PHLPP1: variants seen among roughly 807,000 people sequenced by gnomAD.
The protein encoded by PHLPP1 is PH domain leucine-rich repeat-containing protein phosphatase 1.
A neutral mutation model predicts 117.2 loss-of-function variants in PHLPP1; 42 were observed. That is an observed-to-expected ratio of 0.36 (90% CI 0.28 to 0.46). PHLPP1 has a LOEUF of 0.46. Ranked by LOEUF, PHLPP1 falls within the 20% of genes least tolerant of loss-of-function variation. PHLPP1 has a pLI of 1.00. For synonymous variants in PHLPP1, 1,042 were observed against 970.7 expected (o/e 1.07, Z -1.37); for missense variants, 2,084 against 2,241.9 (o/e 0.93, Z 1.42).
At chr18:62,942,333 C>T (rs140411510) in intron 11 of PHLPP1, among the ~76,000 whole-genome samples, 645 of 152,184 alleles carry the variant, frequency 4.2e-3, no homozygotes, top group Non-Finnish European at 6.9e-3. Flanking sequence ...CCAGCCTGGG[C>T]AACATAGTGA....
At chr18:62,955,533 A>G (rs1910586149) in intron 12 of PHLPP1, among the ~76,000 whole-genome samples, 1 of 152,178 alleles carries the variant, frequency 6.6e-6, no homozygotes, top group Non-Finnish European at 1.5e-5. Context: ...AACCTGCTGC[A>G]GTGAATCAGA....
intron 1 of PHLPP1, among the ~76,000 whole-genome samples, chr18:62,765,218 C>A (rs1912427438): frequency 6.6e-6 from 1 of 152,168 alleles, no homozygotes; most frequent in Non-Finnish European, 1.5e-5. Context: ...CCTACCCCAT[C>A]TTATGCATGG....
chr18:62,860,389 A>G, intron 3 of PHLPP1, 46 bp from the exon 4 acceptor site: 1 of 1,504,594 alleles, frequency 6.6e-7, no homozygotes, highest in Non-Finnish European at 9.2e-7. Flanking sequence ...GAAAGTAGTT[A>G]TAGGATAAGT....
chr18:62,872,454 A>C (rs1915928084), intron 4 of PHLPP1, among the ~76,000 whole-genome samples: 1 of 152,096 alleles, frequency 6.6e-6, no homozygotes, highest in Non-Finnish European at 1.5e-5. Context: ...GCACTTTGGG[A>C]GGCCGAGGTG....
chr18:62,804,099 A>C (rs1913866298), intron 1 of PHLPP1, among the ~76,000 whole-genome samples: 1 of 152,178 alleles, frequency 6.6e-6, no homozygotes. Context: ...AGGAAACTTA[A>C]CAGTTAATGG....
chr18:62,919,882 T>G, intron 9 of PHLPP1, 77 bp from the exon 10 acceptor site: 1 of 1,005,254 alleles, frequency 9.9e-7, no homozygotes, highest in South Asian at 1.5e-5. Context: ...CCAAGTGAAT[T>G]TGTGATTTTT....
At chr18:62,868,448 C>T (rs778555584) in intron 4 of PHLPP1, among the ~76,000 whole-genome samples, 4 of 151,602 alleles carry the variant, frequency 2.6e-5, no homozygotes, top group Non-Finnish European at 4.4e-5. Context: ...ATGGTGAAAC[C>T]CGTCTCTACT....
At chr18:62,977,162 G>A (rs1469079520) in intron 16 of PHLPP1, among the ~76,000 whole-genome samples, 2 of 152,144 alleles carry the variant, frequency 1.3e-5, no homozygotes, top group African/African-American at 2.4e-5. Context: ...CTGCTTATAA[G>A]TGTGGTGTGG....
At chr18:62,789,132 C>T (rs1913384935) in intron 1 of PHLPP1, among the ~76,000 whole-genome samples, 1 of 152,096 alleles carries the variant, frequency 6.6e-6, no homozygotes, top group African/African-American at 2.4e-5. Flanking sequence ...GATGAGCACA[C>T]AGGGGGTGGG....
chr18:62,841,979 T>C (rs746545979), intron 3 of PHLPP1, among the ~76,000 whole-genome samples: 7 of 152,166 alleles, frequency 4.6e-5, no homozygotes, highest in Non-Finnish European at 1.0e-4. Context: ...GCCATGTGGC[T>C]ATATCTAAGT....
chr18:62,914,308 A>C (rs1884686527), intron 8 of PHLPP1, among the ~76,000 whole-genome samples: 1 of 152,238 alleles, frequency 6.6e-6, no homozygotes, highest in South Asian at 2.1e-4. Context: ...TGTTCAATAT[A>C]ACACATATTC....
chr18:62,871,643 A>ATTTTTTTTTT (rs1568145031), intron 4 of PHLPP1, among the ~76,000 whole-genome samples: 6 of 133,508 alleles, frequency 4.5e-5, no homozygotes, highest in Non-Finnish European at 8.1e-5. Context: ...TAGCTCTGAA[A>ATTTTTTTTTT]ATTTTTTTTT....
intron 10 of PHLPP1, among the ~76,000 whole-genome samples, chr18:62,931,423 T>A (rs1179010528): frequency 6.6e-6 from 1 of 150,502 alleles, no homozygotes; most frequent in Non-Finnish European, 1.5e-5. Flanking sequence ...TTGTTGGACC[T>A]AAAGGAACTA....
In PHLPP1 at chr18:62,716,808, G is replaced by T. The variant is rs1054128849; in HGVS notation, c.1125G>T (p.Ser375=). Residue 375 remains serine (S), a synonymous_variant, in exon 1 of 17, where the codon TCG becomes TCT. Coordinates refer to ENST00000262719, the MANE Select transcript of PHLPP1 (RefSeq NM_194449.4). This position sits in a 1 kb window ranked among gnomAD's most constrained non-coding sequence, Gnocchi z 5.7. ...PYSSGGGSSS[S]SEELEADAAS... The stretch of plus-strand genomic sequence containing the variant: ...GCAGCGGCGGCGGCTCCTCGTCGTC[G>T]TCGGAAGAGCTCGAGGCCGACGCAG... 11 of 1,526,642 alleles carry T rather than the reference G, an allele frequency of 7.2e-6. No individual in the cohort carries two copies. Among genetic ancestry groups the T allele is most frequent in the Non-Finnish European group, 7.9e-6 (9 of 1,142,598 alleles). The allele number at this position is 1,526,642 out of a possible 1,614,324, so 94.6% of individuals were successfully genotyped here.
intron 3 of PHLPP1, among the ~76,000 whole-genome samples, chr18:62,848,455 A>ATTTTTTTTTTTTT (rs56223512): frequency 1.1e-5 from 1 of 88,518 alleles, no homozygotes; most frequent in Non-Finnish European, 2.1e-5. Flanking sequence ...TTTTTTGTTG[A>ATTTTTTTTTTTTT]TTTTTTTTTT....
At chr18:62,828,192 C>T (rs1715105903) in intron 1 of PHLPP1, among the ~76,000 whole-genome samples, 1 of 152,044 alleles carries the variant, frequency 6.6e-6, no homozygotes, top group African/African-American at 2.4e-5. Context: ...ACTTCTTCCC[C>T]ACAGGAAGAG....
intron 12 of PHLPP1, among the ~76,000 whole-genome samples, chr18:62,950,551 G>T (rs1001884221): frequency 2.6e-5 from 4 of 152,174 alleles, no homozygotes; most frequent in African/African-American, 9.7e-5. Flanking sequence ...TGGGGAAATG[G>T]CTGGGTAGAA....
At chr18:62,738,289 G>A (rs1233227495) in intron 1 of PHLPP1, among the ~76,000 whole-genome samples, 1 of 152,038 alleles carries the variant, frequency 6.6e-6, no homozygotes, top group African/African-American at 2.4e-5. Flanking sequence ...CTGGGAGGCC[G>A]AGCCTGCAGT....
At chr18:62,766,077 ATATATATATATAT>A (rs1261046304) in intron 1 of PHLPP1, among the ~76,000 whole-genome samples, 3 of 20,976 alleles carry the variant, frequency 1.4e-4, no homozygotes, top group South Asian at 2.7e-3. Flanking sequence ...AAAAAAAAAA[ATATATATATATAT>A]ATATATATAT....
Sources: allele counts gnomAD v4.1 joint callset (sites outside exome capture counted in the v4.1 genomes callset), GRCh38; gene constraint gnomAD v4.1.1; non-coding constraint Gnocchi (gnomAD v3.1); transcripts MANE v1.5; gene names NCBI Gene and HGNC (gene_info 2026-07-23, HGNC 2026-07-21).